The following TSHZ2 variants were observed in gnomAD, a reference collection of about 807,000 sequenced individuals.
TSHZ2 encodes teashirt zinc finger homeobox 2.
TSHZ2 carries 21 observed loss-of-function variants against 74.4 expected under a neutral mutation model. The ratio of observed to expected loss-of-function variants is 0.28; its 90% CI spans 0.20 to 0.41. The LOEUF is 0.41. Among genes scored for constraint, TSHZ2 ranks in the 10% least tolerant of loss-of-function variants. The probability of loss-of-function intolerance (pLI) is 1.00; values close to 1 mark genes in which losing one functional copy is unlikely to be tolerated. For synonymous variants in TSHZ2, 540 were observed against 515.3 expected (o/e 1.05, Z -0.65); for missense variants, 1,244 against 1,293.5 (o/e 0.96, Z 0.59).
intron 1 of TSHZ2, among the ~76,000 whole-genome samples, chr20:52,974,920 G>T (rs1173635253): frequency 5.9e-5 from 9 of 152,122 alleles, no homozygotes; most frequent in Admixed American, 5.9e-4. Context: ...AATATTTTTA[G>T]TGAGGTACGT....
intron 2 of TSHZ2, among the ~76,000 whole-genome samples, chr20:53,269,797 T>A (rs146740072): frequency 2.3e-4 from 33 of 144,446 alleles, no homozygotes; most frequent in Middle Eastern, 3.5e-3. Flanking sequence ...TAGAGTATAA[T>A]AAAAAAAAAA....
chr20:53,251,587 G>GA (rs1286017197), intron 1 of TSHZ2, among the ~76,000 whole-genome samples: 1 of 152,106 alleles, frequency 6.6e-6, no homozygotes, highest in African/African-American at 2.4e-5. Context: ...TGAAGCTAGA[G>GA]ACCAGTAACG....
At chr20:53,155,924 A>AT (rs986050348) in intron 1 of TSHZ2, among the ~76,000 whole-genome samples, 1 of 152,146 alleles carries the variant, frequency 6.6e-6, no homozygotes, top group African/African-American at 2.4e-5. Context: ...TTTCTCTAAT[A>AT]TTTTTTAAAA....
intron 1 of TSHZ2, among the ~76,000 whole-genome samples, chr20:53,063,377 A>G (rs1020006325): frequency 3.3e-5 from 5 of 152,262 alleles, no homozygotes; most frequent in Non-Finnish European, 5.9e-5. Flanking sequence ...TATATTACAT[A>G]TGCACATTTA....
At chr20:53,444,433 C>CAAGA (rs1032729531) in intron 2 of TSHZ2, among the ~76,000 whole-genome samples, 2 of 151,978 alleles carry the variant, frequency 1.3e-5, no homozygotes, top group Non-Finnish European at 2.9e-5. Flanking sequence ...AGGGAACAGG[C>CAAGA]AAGAAAAGGA....
intron 1 of TSHZ2, among the ~76,000 whole-genome samples, chr20:53,115,934 G>A (rs1434125998): frequency 6.6e-6 from 1 of 152,194 alleles, no homozygotes. Context: ...ATGGATGTGG[G>A]TGTGGATAAG....
At chr20:53,420,325 C>T (rs1459031753) in intron 2 of TSHZ2, among the ~76,000 whole-genome samples, 1 of 152,098 alleles carries the variant, frequency 6.6e-6, no homozygotes, top group African/African-American at 2.4e-5. Flanking sequence ...AAGGACATTC[C>T]AGACAGAGGA....
intron 1 of TSHZ2, among the ~76,000 whole-genome samples, chr20:53,203,980 TCCAAAAA>T (rs1989074124): frequency 2.0e-5 from 3 of 151,404 alleles, no homozygotes; most frequent in Admixed American, 6.6e-5. Flanking sequence ...AAAGGCTTAG[TCCAAAAA>T]CCGTAGTGCA....
intron 1 of TSHZ2, among the ~76,000 whole-genome samples, chr20:53,050,130 T>TATATATATGTGTATATATATATACAC (rs1568736310): frequency 7.9e-5 from 7 of 88,346 alleles, no homozygotes; most frequent in Non-Finnish European, 1.4e-4. Context: ...TATATACACA[T>TATATATATGTGTATATATATATACAC]ATATATATGT....
intron 2 of TSHZ2, among the ~76,000 whole-genome samples, chr20:53,417,026 G>A (rs1451015441): frequency 1.3e-5 from 2 of 152,170 alleles, no homozygotes; most frequent in East Asian, 3.8e-4. Context: ...TTGTTCTCTT[G>A]TGGGAGGCTG....
At position 53,253,618 on chromosome 20, in the gene TSHZ2, C is replaced by G. The variant is rs759525748; in HGVS notation, c.160C>G (p.Leu54Val). The G allele has an allele frequency of 6.2e-7, 1 of 1,614,096 alleles. No individual in the cohort carries two copies. Among genetic ancestry groups the G allele is most frequent in the Admixed American group, 1.7e-5 (1 of 60,014 alleles). Residue 54 changes from leucine to valine, a missense_variant, in exon 2 of 3, where the codon CTA (leucine) becomes GTA (valine). Transcript: ENST00000371497. The stretch of plus-strand genomic sequence containing the variant: ...CAATGACACAGGGACGGACGAGGAG[C>G]TAGAAACGGGCCCAGAGCAAAAAGG... Reference protein sequence around the residue: ...GGNDTGTDEELETGPEQKGCF... With the variant: ...GGNDTGTDEEVETGPEQKGCF...
chr20:53,178,911 G>A (rs1407057823), intron 1 of TSHZ2: 4 of 152,174 alleles, frequency 2.6e-5, no homozygotes, highest in Non-Finnish European at 5.9e-5. Context: ...ACTCTTTGAA[G>A]TAGTAATGTA....
chr20:53,214,442 A>G (rs1295151617), intron 1 of TSHZ2, among the ~76,000 whole-genome samples: 3 of 152,232 alleles, frequency 2.0e-5, no homozygotes, highest in Non-Finnish European at 4.4e-5. Flanking sequence ...GCGAGGGCTC[A>G]CGCCTGTAAC....
chr20:53,019,742 A>T (rs936223065), intron 1 of TSHZ2, among the ~76,000 whole-genome samples: 2 of 152,186 alleles, frequency 1.3e-5, no homozygotes, highest in African/African-American at 4.8e-5. Context: ...ACATTGTTAC[A>T]ATCTACTCGT....
chr20:53,066,708 A>G (rs192441058), intron 1 of TSHZ2, among the ~76,000 whole-genome samples: 212 of 152,252 alleles, frequency 1.4e-3, no homozygotes, highest in Middle Eastern at 6.8e-3. Context: ...GGGTTTCACC[A>G]TGTTGGCCAG....
intron 2 of TSHZ2, among the ~76,000 whole-genome samples, chr20:53,284,716 C>A (rs1173196832): frequency 1.5e-5 from 2 of 134,250 alleles, no homozygotes; most frequent in East Asian, 2.4e-4. Context: ...ACACGCCCGT[C>A]CCCCCCACCC....
intron 2 of TSHZ2, among the ~76,000 whole-genome samples, chr20:53,258,817 C>T (rs576480780): frequency 2.0e-5 from 3 of 152,284 alleles, no homozygotes; most frequent in African/African-American, 7.2e-5. Context: ...AAAGCTCCAT[C>T]CTTACAAGCA....
At chr20:53,165,774 C>T (rs1489996495) in intron 1 of TSHZ2, among the ~76,000 whole-genome samples, 3 of 152,140 alleles carry the variant, frequency 2.0e-5, no homozygotes, top group Non-Finnish European at 2.9e-5. Flanking sequence ...AGTGGAGTCG[C>T]CTGATGGTGA....
chr20:52,991,055 T>C (rs1981966575), intron 1 of TSHZ2, among the ~76,000 whole-genome samples: 2 of 152,206 alleles, frequency 1.3e-5, no homozygotes, highest in African/African-American at 4.8e-5. Context: ...ATGTGTGATG[T>C]ATGTTGTGGG....
Sources: gnomAD v4.1 joint callset for allele counts (sites outside exome capture counted in the v4.1 genomes callset) on GRCh38, gnomAD v4.1.1 for gene constraint, MANE v1.5 for transcripts, NCBI Gene and HGNC (gene_info 2026-07-23, HGNC 2026-07-21) for gene names.